Variants in ARHGAP15 observed in about 807,000 individuals in gnomAD.
ARHGAP15 encodes the protein rho GTPase-activating protein 15.
In ARHGAP15, 51 loss-of-function variants were observed where a neutral mutation model predicts 63.7. That is an observed-to-expected ratio of 0.80 (90% CI 0.64 to 1.01). The LOEUF is 1.01. Ranked by LOEUF, ARHGAP15 falls within the 50% of genes least tolerant of loss-of-function variation. The pLI, the probability that ARHGAP15 is intolerant of heterozygous loss-of-function variation, is 0.00. For synonymous variants in ARHGAP15, 191 were observed against 193.8 expected (o/e 0.99, Z 0.12); for missense variants, 560 against 564.6 (o/e 0.99, Z 0.08).
chr2:143,642,560 G>T (rs745324724), intron 12 of ARHGAP15, among the ~76,000 whole-genome samples: 1 of 152,040 alleles, frequency 6.6e-6, no homozygotes, highest in African/African-American at 2.4e-5. Context: ...CTTCCTACTC[G>T]TAGTATGTTG....
intron 6 of ARHGAP15, among the ~76,000 whole-genome samples, chr2:143,297,622 A>G (rs951978761): frequency 6.6e-6 from 1 of 151,982 alleles, no homozygotes. Flanking sequence ...CAGGTTTGTT[A>G]TGATGAATGT....
chr2:143,369,838 C>T (rs1283208190), intron 6 of ARHGAP15, among the ~76,000 whole-genome samples: 3 of 151,968 alleles, frequency 2.0e-5, no homozygotes, highest in Non-Finnish European at 4.4e-5. Context: ...CTTTTTCTTC[C>T]TCCTCCTATT....
chr2:143,712,488 G>C (rs746334404), intron 13 of ARHGAP15, among the ~76,000 whole-genome samples: 1 of 152,090 alleles, frequency 6.6e-6, no homozygotes, highest in Non-Finnish European at 1.5e-5. Flanking sequence ...GATGGCAATG[G>C]GGTAAGGTCA....
chr2:143,385,767 TA>T (rs1179271523), intron 6 of ARHGAP15, among the ~76,000 whole-genome samples: 7 of 152,202 alleles, frequency 4.6e-5, no homozygotes, highest in Admixed American at 1.3e-4. Flanking sequence ...TGAAACAAAC[TA>T]ATCAAGCAAA....
chr2:143,496,718 G>C (rs1692833228), intron 9 of ARHGAP15, among the ~76,000 whole-genome samples: 1 of 152,112 alleles, frequency 6.6e-6, no homozygotes, highest in Non-Finnish European at 1.5e-5. Context: ...CTTTTCTCAA[G>C]TAAAAGAAAT....
chr2:143,740,709 G>T (rs962939514), intron 13 of ARHGAP15, among the ~76,000 whole-genome samples: 8 of 152,046 alleles, frequency 5.3e-5, no homozygotes, highest in African/African-American at 4.8e-5. Flanking sequence ...TAGAATAAAT[G>T]TGGGCCCCAA....
At chr2:143,237,798 A>G (rs1458015212) in intron 5 of ARHGAP15, 1 of 152,166 alleles carries the variant, frequency 6.6e-6, no homozygotes, top group Non-Finnish European at 1.5e-5. Flanking sequence ...TTCCCCCTAA[A>G]ATGGTGTGGT....
chr2:143,353,187 G>A (rs531058417), intron 6 of ARHGAP15, among the ~76,000 whole-genome samples: 7 of 152,236 alleles, frequency 4.6e-5, no homozygotes, highest in Non-Finnish European at 7.4e-5. Context: ...AGCTACACCG[G>A]AGGCTGAGTC....
At chr2:143,560,920 G>A (rs1347219223) in intron 11 of ARHGAP15, among the ~76,000 whole-genome samples, 4 of 152,230 alleles carry the variant, frequency 2.6e-5, no homozygotes, top group African/African-American at 9.6e-5. Context: ...AGCTTTCAGT[G>A]ACATTTTGCT....
intron 12 of ARHGAP15, among the ~76,000 whole-genome samples, chr2:143,668,901 G>C (rs1273242842): frequency 6.6e-6 from 1 of 152,074 alleles, no homozygotes; most frequent in East Asian, 1.9e-4. Context: ...AAAGAGGAAG[G>C]ATGGGAGAAA....
chr2:143,201,180 G>C (rs1378786978), intron 2 of ARHGAP15, among the ~76,000 whole-genome samples: 1 of 150,404 alleles, frequency 6.6e-6, no homozygotes, highest in Non-Finnish European at 1.5e-5. Context: ...TGTGATCATA[G>C]CTTACTGCAG....
chr2:143,399,612 A>T (rs1414222486), intron 6 of ARHGAP15, among the ~76,000 whole-genome samples: 2 of 152,078 alleles, frequency 1.3e-5, no homozygotes, highest in Non-Finnish European at 2.9e-5. Context: ...CTCATTCATA[A>T]TATCTCTGTG....
chr2:143,194,876 G>T (rs193116197), intron 2 of ARHGAP15, among the ~76,000 whole-genome samples: 80 of 152,210 alleles, frequency 5.3e-4, no homozygotes, highest in African/African-American at 1.4e-3. Flanking sequence ...ATGTGTTTGG[G>T]ACTAAATAAA....
At chr2:143,761,202 A>C (rs998925757) in intron 13 of ARHGAP15, among the ~76,000 whole-genome samples, 2 of 152,180 alleles carry the variant, frequency 1.3e-5, no homozygotes, top group African/African-American at 4.8e-5. Flanking sequence ...AGCATATTGA[A>C]AATTTATTCT....
At chr2:143,505,910 CCTA>C (rs1487170803) in intron 9 of ARHGAP15, among the ~76,000 whole-genome samples, 2 of 152,166 alleles carry the variant, frequency 1.3e-5, no homozygotes, top group Non-Finnish European at 2.9e-5. Context: ...TCAGTGCATA[CCTA>C]GCACTCAGCA....
rs1390535004 is a variant in ARHGAP15, at chr2:143,230,752, A to G, written c.384+2084A>G. 4.6e-5 allele frequency among the ~76,000 whole-genome samples: 7 copies of G among 152,168 alleles called. No homozygotes were observed. The East Asian group carries it at 1.2e-3, about 25-fold the overall frequency. On this transcript the variant is annotated intron_variant, in intron 5 of 13. Coordinates refer to ENST00000295095, the MANE Select transcript of ARHGAP15 (RefSeq NM_018460.4). Reference sequence around the variant, plus strand: ...GTTTACCAGTTCCAGTCTTAGAGAAACGATACAACGATTGCCAGGCCTTGA... The same window carrying G: ...GTTTACCAGTTCCAGTCTTAGAGAAGCGATACAACGATTGCCAGGCCTTGA...
chr2:143,568,155 C>A (rs889542204), intron 11 of ARHGAP15, among the ~76,000 whole-genome samples: 1 of 152,010 alleles, frequency 6.6e-6, no homozygotes, highest in Admixed American at 6.5e-5. Context: ...GCAACAAAAG[C>A]CAAAATTGAC....
intron 11 of ARHGAP15, among the ~76,000 whole-genome samples, chr2:143,616,697 T>G (rs1698462395): frequency 6.6e-6 from 1 of 152,200 alleles, no homozygotes. Flanking sequence ...AACCATCTAT[T>G]CTACGCACAG....
chr2:143,437,142 C>G, intron 8 of ARHGAP15, 100 bp downstream of exon 8: 1 of 1,329,342 alleles, frequency 7.5e-7, no homozygotes, highest in African/African-American at 1.5e-5. Context: ...ACTCATCATA[C>G]TCATGGAAGA....
Sources: allele counts gnomAD v4.1 joint callset (sites outside exome capture counted in the v4.1 genomes callset), GRCh38; gene constraint gnomAD v4.1.1; transcripts MANE v1.5; gene names NCBI Gene and HGNC (gene_info 2026-07-23, HGNC 2026-07-21).